Variants in TLN2 observed in about 807,000 individuals in gnomAD.
TLN2 encodes talin-2.
In TLN2, 118 loss-of-function variants were observed where a neutral mutation model predicts 294.7. The ratio of observed to expected loss-of-function variants is 0.40; its 90% confidence interval spans 0.34 to 0.47. TLN2 has a LOEUF of 0.47. TLN2 is among the 20% of genes least tolerant of loss of function. TLN2 has a pLI of 0.84. For missense variants in TLN2, 3,083 were observed against 3,282.2 expected (o/e 0.94, Z 1.48); for synonymous variants, 1,431 against 1,304.5 (o/e 1.10, Z -2.09).
At chr15:62,797,191 C>G (rs570627947) in intron 47 of TLN2, 28 bp from the exon 48 acceptor site, 49 of 1,613,566 alleles carry the variant, frequency 3.0e-5, no homozygotes, top group South Asian at 2.5e-4. Flanking sequence ...GTCTCTCCCC[C>G]TCTCCCCTGC....
chr15:62,631,325 T>C (rs1419532893), intron 3 of TLN2, among the ~76,000 whole-genome samples: 2 of 152,170 alleles, frequency 1.3e-5, no homozygotes, highest in African/African-American at 4.8e-5. Flanking sequence ...ATGCAAACCG[T>C]AATAGAGGAA....
chr15:62,800,805 A>G lies in TLN2; in HGVS notation c.6477+36A>G, dbSNP rs754996825. On this transcript the variant is annotated intron_variant, in intron 50 of 58. Transcript: ENST00000636159. The stretch of plus-strand genomic sequence containing the variant: ...AGCAGTTACCTCCCTTGGGTACCAG[A>G]GTCCCACAGCTGACCCCAGTGAGGG... 4 of 1,567,308 alleles carry G rather than the reference A, an allele frequency of 2.6e-6. No homozygotes were observed. In the African/African-American group the frequency reaches 5.4e-5, roughly 21 times the overall value.
chr15:62,562,452 C>T (rs894643178), intron 1 of TLN2, among the ~76,000 whole-genome samples: 3 of 152,162 alleles, frequency 2.0e-5, no homozygotes, highest in Admixed American at 2.0e-4. Context: ...TGCCTGTCTC[C>T]TCCTTGCCTG....
chr15:62,550,813 C>T (rs2042253435), intron 1 of TLN2, among the ~76,000 whole-genome samples: 1 of 152,162 alleles, frequency 6.6e-6, no homozygotes, highest in South Asian at 2.1e-4. Context: ...TAGAGGTCCC[C>T]AACCTTTTTG....
At chr15:62,447,029 T>C (rs372395533) in intron 1 of TLN2, among the ~76,000 whole-genome samples, 11 of 152,196 alleles carry the variant, frequency 7.2e-5, no homozygotes, top group African/African-American at 2.7e-4. Context: ...TTAGAAAATG[T>C]TGGGTCAAAC....
At chr15:62,813,629 G>A (rs1372451377) in intron 52 of TLN2, among the ~76,000 whole-genome samples, 1 of 152,108 alleles carries the variant, frequency 6.6e-6, no homozygotes, top group Non-Finnish European at 1.5e-5. Context: ...TCCAAGATTA[G>A]GATCACGGTA....
chr15:62,598,005 A>G (rs775035567), intron 2 of TLN2, among the ~76,000 whole-genome samples: 1 of 152,116 alleles, frequency 6.6e-6, no homozygotes, highest in East Asian at 1.9e-4. Context: ...GGTATGCTCA[A>G]CCTGTATTGG....
At chr15:62,639,378 T>A (rs1158372668) in intron 3 of TLN2, among the ~76,000 whole-genome samples, 1 of 152,236 alleles carries the variant, frequency 6.6e-6, no homozygotes, top group Non-Finnish European at 1.5e-5. Flanking sequence ...TTGGCTGGAA[T>A]TCTTACTGAC....
intron 1 of TLN2, among the ~76,000 whole-genome samples, chr15:62,421,741 A>G (rs929433842): frequency 2.0e-5 from 3 of 152,076 alleles, no homozygotes; most frequent in African/African-American, 7.2e-5. Context: ...CGGTTATGAA[A>G]TAGTCTGTAC....
At chr15:62,756,904 T>C (rs907579066) in intron 37 of TLN2, among the ~76,000 whole-genome samples, 6 of 151,756 alleles carry the variant, frequency 4.0e-5, no homozygotes, top group Admixed American at 6.6e-5. Flanking sequence ...TCTTTTTTTT[T>C]AGAAATGAAC....
chr15:62,640,895 G>A (rs372387845), intron 3 of TLN2, among the ~76,000 whole-genome samples: 26 of 152,110 alleles, frequency 1.7e-4, no homozygotes, highest in African/African-American at 2.2e-4. Flanking sequence ...ACTACCTCCC[G>A]GGTTCCAGCA....
intron 2 of TLN2, among the ~76,000 whole-genome samples, chr15:62,612,641 T>C (rs1204963550): frequency 6.6e-6 from 1 of 152,148 alleles, no homozygotes. Flanking sequence ...TTCGTGAGAT[T>C]TTTTTTCTTG....
At chr15:62,464,009 C>CA (rs1327456904) in intron 1 of TLN2, among the ~76,000 whole-genome samples, 1 of 152,212 alleles carries the variant, frequency 6.6e-6, no homozygotes, top group Non-Finnish European at 1.5e-5. Flanking sequence ...TTGTGGAAGA[C>CA]AGTGTGGCAA....
Position 62,692,855 on chromosome 15 carries a change from C to T in TLN2, c.1129C>T (p.Gln377Ter). ...GTCTTTTCAGGATTTTGGGGAGTAT[C>T]AGGAAAGCTACTATTCAGTACAAAC... is the stretch of plus-strand genomic sequence containing the variant. ...KSFTLDFGEYQESYYSVQTTE... is the reference protein window; with the variant it reads ...KSFTLDFGEY Residue 377 changes from glutamine (Q) to a stop codon, truncating the protein, a stop_gained, in exon 13 of 59, where the codon CAG (glutamine) becomes TAG (stop). Transcript: ENST00000636159. LOFTEE classifies it high-confidence loss of function. 1.2e-6 allele frequency: 2 copies of T among 1,613,080 alleles called. No homozygotes were observed. The highest frequency in any genetic ancestry group is 1.7e-6 in the Non-Finnish European group (2 of 1,179,690).
chr15:62,573,754 T>C (rs2044134236), intron 1 of TLN2, among the ~76,000 whole-genome samples: 1 of 148,814 alleles, frequency 6.7e-6, no homozygotes, highest in African/African-American at 2.5e-5. Context: ...CCCAAATCCC[T>C]GAATTTCTTT....
intron 1 of TLN2, among the ~76,000 whole-genome samples, chr15:62,505,598 A>C (rs958108478): frequency 2.0e-5 from 3 of 152,096 alleles, no homozygotes; most frequent in Non-Finnish European, 4.4e-5. Flanking sequence ...CTCAGGCTGG[A>C]GTGTTTCCTG....
chr15:62,431,270 G>A (rs936419269), intron 1 of TLN2, among the ~76,000 whole-genome samples: 2 of 152,046 alleles, frequency 1.3e-5, no homozygotes, highest in African/African-American at 2.4e-5. Context: ...ACTTACATAT[G>A]TGCATATACA....
chr15:62,650,415 GT>G (rs931486964), intron 5 of TLN2, among the ~76,000 whole-genome samples: 134 of 152,298 alleles, frequency 8.8e-4, no homozygotes, highest in African/African-American at 3.2e-3. Flanking sequence ...GTTTCTACTT[GT>G]CGTTGTTGGA....
At position 62,842,159 on chromosome 15, in the gene TLN2, C is replaced by G. The variant is rs1229374663; in HGVS notation, c.*1549C>G. 3 of 152,078 alleles carry G rather than the reference C, an allele frequency of 2.0e-5. No homozygotes were observed. The highest frequency in any genetic ancestry group is 4.4e-5 in the Non-Finnish European group (3 of 68,036). The allele number at this position is 152,078 out of a possible 1,614,324, so 9.4% of individuals were successfully genotyped here. Reference sequence around the variant, plus strand: ...TTTAAAATACATAAACTTCTGACAGCTTCCCATATTTATAAGTTACTTATA... The same window carrying G: ...TTTAAAATACATAAACTTCTGACAGGTTCCCATATTTATAAGTTACTTATA... On this transcript the variant is annotated 3_prime_UTR_variant, in exon 59 of 59. Transcript: ENST00000636159.
Sources: gnomAD v4.1 joint callset for allele counts (sites outside exome capture counted in the v4.1 genomes callset) on GRCh38, gnomAD v4.1.1 for gene constraint, MANE v1.5 for transcripts, NCBI Gene and HGNC (gene_info 2026-07-23, HGNC 2026-07-21) for gene names.